Variants in SAP130 observed in about 807,000 individuals in gnomAD.
SAP130 encodes histone deacetylase complex subunit SAP130.
A neutral mutation model predicts 103.2 loss-of-function variants in SAP130; 16 were observed. The ratio of observed to expected loss-of-function variants is 0.16; its 90% confidence interval spans 0.10 to 0.24. The LOEUF (loss-of-function observed/expected upper bound fraction) is 0.24. Among genes scored for constraint, SAP130 ranks in the 10% least tolerant of loss-of-function variants. The pLI, the probability that SAP130 is intolerant of heterozygous loss-of-function variation, is 1.00. For synonymous variants in SAP130, 477 were observed against 497.0 expected (o/e 0.96, Z 0.53); for missense variants, 990 against 1,359.7 (o/e 0.73, Z 4.28).
At chr2:127,950,108 ACT>A in intron 17 of SAP130, 50 bp downstream of exon 17, 3 of 1,611,438 alleles carry the variant, frequency 1.9e-6, no homozygotes, top group Non-Finnish European at 2.5e-6. Context: ...TCTGGGTTGG[ACT>A]CTGACTTTAT....
rs142068981 is a variant in SAP130, at chr2:127,953,175, C to T, written c.2422+1811G>A. Among the ~76,000 whole-genome samples the T allele has an allele frequency of 3.1e-4, 47 of 152,306 alleles. 1 individual carries two copies. In the South Asian group the frequency reaches 6.4e-3, roughly 21 times the overall value. On this transcript the variant is annotated intron_variant, in intron 16 of 20. Transcript: ENST00000643581. This position sits in a 1 kb window ranked among gnomAD's most constrained non-coding sequence, Gnocchi z 4.0. ...GCTTTCCTAATTCAGCCAATGGCAA[C>T]TCTATGGCTTCCAGTTGCTAAGGCC...
At chr2:127,981,180 C>G (rs1376207432) in intron 14 of SAP130, among the ~76,000 whole-genome samples, 1 of 151,946 alleles carries the variant, frequency 6.6e-6, no homozygotes, top group Non-Finnish European at 1.5e-5. Context: ...CCTCCAGTAA[C>G]TGTCCAGTTA....
intron 2 of SAP130, among the ~76,000 whole-genome samples, chr2:128,023,674 G>A (rs866279296): frequency 2.6e-5 from 4 of 152,260 alleles, no homozygotes. Flanking sequence ...CAGCTACTCA[G>A]GAGGCTGAGG....
chr2:128,026,302 T>C lies in SAP130; in HGVS notation c.-6-4A>G, dbSNP rs749229799. 27 of 1,589,220 alleles carry C rather than the reference T, an allele frequency of 1.7e-5. No individual in the cohort carries two copies. Among genetic ancestry groups the C allele is most frequent in the Non-Finnish European group, 2.2e-5 (25 of 1,157,478 alleles). On this transcript the variant is annotated splice_polypyrimidine_tract_variant and splice_region_variant and intron_variant, in intron 1 of 20. Transcript: ENST00000643581. ...ACTGTTGAGAACTCATTTCCACCTG[T>C]AGTACATACAGTTATATGGTTATTA...
intron 19 of SAP130, among the ~76,000 whole-genome samples, chr2:127,944,213 T>C (rs969982769): frequency 6.6e-6 from 1 of 152,028 alleles, no homozygotes; most frequent in Non-Finnish European, 1.5e-5. Flanking sequence ...AAACACTTTT[T>C]TTTGTAGAGA....
intron 16 of SAP130, 132 bp from the exon 17 acceptor site, chr2:127,950,540 T>C: frequency 9.5e-7 from 1 of 1,049,760 alleles, no homozygotes; most frequent in Non-Finnish European, 1.4e-6. Flanking sequence ...CCTATGTGTC[T>C]GGCACTGTGC....
chr2:127,968,180 C>T (rs1332736615), intron 15 of SAP130, among the ~76,000 whole-genome samples: 1 of 151,118 alleles, frequency 6.6e-6, no homozygotes, highest in Admixed American at 6.6e-5. Flanking sequence ...ACCATCTTGG[C>T]TCACTGCAGC....
chr2:127,952,521 C>T (rs72838487), intron 16 of SAP130, among the ~76,000 whole-genome samples: 12,657 of 151,092 alleles, frequency 0.084, 728 homozygotes, highest in South Asian at 0.22. Flanking sequence ...TCCTTTAGAA[C>T]AAATGCCTCA....
chr2:128,018,483 C>CAAAAAAAAAAAAA (rs759445928), intron 2 of SAP130, among the ~76,000 whole-genome samples: 1 of 69,480 alleles, frequency 1.4e-5, no homozygotes, highest in African/African-American at 6.5e-5. Flanking sequence ...AGATTGTCTC[C>CAAAAAAAAAAAAA]AAAAAAAAAA....
intron 2 of SAP130, among the ~76,000 whole-genome samples, chr2:128,024,163 A>G (rs1480617729): frequency 6.6e-6 from 1 of 152,102 alleles, no homozygotes; most frequent in East Asian, 1.9e-4. Flanking sequence ...GTCTAAAGAG[A>G]ACTAAAATAA....
At chr2:128,014,255 C>T (rs927107061) in intron 5 of SAP130, among the ~76,000 whole-genome samples, 7 of 152,142 alleles carry the variant, frequency 4.6e-5, no homozygotes, top group East Asian at 1.9e-4. Flanking sequence ...GACAGGTTCT[C>T]GCTCTGTCAC....
chr2:127,994,995 T>C (rs1213201910), intron 11 of SAP130, among the ~76,000 whole-genome samples: 1 of 152,048 alleles, frequency 6.6e-6, no homozygotes, highest in Non-Finnish European at 1.5e-5. Flanking sequence ...TAGACACAAA[T>C]GATCAAATTA....
chr2:127,960,518 A>AAGGC (rs1217513076), intron 15 of SAP130, among the ~76,000 whole-genome samples: 1 of 152,244 alleles, frequency 6.6e-6, no homozygotes, highest in East Asian at 1.9e-4. Context: ...CTACACAAAC[A>AAGGC]TTATAAGCCT....
rs1573822054 is a variant in SAP130, at chr2:128,010,263, G to A, written c.869+6C>T. ...AAGGTTCAAACTTCATACTCCCCAT[G>A]TATACCTAAGTGCTGAATCAGTAGC... On this transcript the variant is annotated splice_donor_region_variant and intron_variant, in intron 7 of 20. Coordinates refer to ENST00000643581, the MANE Select transcript of SAP130 (RefSeq NM_001330301.2). The A allele has an allele frequency of 6.2e-7, 1 of 1,612,460 alleles. No homozygotes were observed. Among genetic ancestry groups the A allele is most frequent in the Non-Finnish European group, 8.5e-7 (1 of 1,179,230 alleles).
chr2:128,022,843 T>C (rs74777148), intron 2 of SAP130, among the ~76,000 whole-genome samples: 20 of 152,246 alleles, frequency 1.3e-4, no homozygotes, highest in African/African-American at 4.8e-4. Flanking sequence ...TTTTTTTTTT[T>C]CCTGGAGACA....
intron 8 of SAP130, 76 bp from the exon 9 acceptor site, chr2:128,000,222 G>A (rs561242616): frequency 1.9e-5 from 31 of 1,601,022 alleles, no homozygotes; most frequent in East Asian, 6.7e-5. Flanking sequence ...CAATGCCTTC[G>A]GTATCACCAG....
intron 18 of SAP130, among the ~76,000 whole-genome samples, chr2:127,948,617 C>G (rs1286073392): frequency 6.6e-6 from 1 of 152,094 alleles, no homozygotes. Flanking sequence ...GCTGGGATTA[C>G]AGGCGTGAAT....
intron 4 of SAP130, among the ~76,000 whole-genome samples, chr2:128,015,521 A>G (rs1050482687): frequency 6.6e-6 from 1 of 152,364 alleles, no homozygotes; most frequent in Non-Finnish European, 1.5e-5. Flanking sequence ...ATGTGAAGGG[A>G]AAGTTTTTAG....
intron 12 of SAP130, among the ~76,000 whole-genome samples, chr2:127,990,874 T>A (rs1025469066): frequency 2.7e-5 from 4 of 148,078 alleles, no homozygotes; most frequent in Non-Finnish European, 3.0e-5. Flanking sequence ...CTCAGGAATT[T>A]GAGGAGGCAG....
Sources: allele counts gnomAD v4.1 joint callset (sites outside exome capture counted in the v4.1 genomes callset), GRCh38; gene constraint gnomAD v4.1.1; non-coding constraint Gnocchi (gnomAD v3.1); transcripts MANE v1.5; gene names NCBI Gene and HGNC (gene_info 2026-07-23, HGNC 2026-07-21).